CNTNAP2: variants seen among roughly 807,000 people sequenced by gnomAD.
CNTNAP2 encodes contactin associated protein 2.
CNTNAP2 carries 98 observed loss-of-function variants against 155.2 expected under a neutral mutation model. That is an observed-to-expected ratio of 0.63 (90% CI 0.54 to 0.75). The LOEUF is 0.75. Ranked by LOEUF, CNTNAP2 falls within the 30% of genes least tolerant of loss-of-function variation. The pLI is 0.00. For missense variants in CNTNAP2, 1,727 were observed against 1,688.1 expected, an observed-to-expected ratio of 1.02 and a Z score of -0.40; for synonymous variants, 651 against 631.2, an observed-to-expected ratio of 1.03 and a Z score of -0.47.
At chr7:147,638,502 C>T (rs982863495) in intron 12 of CNTNAP2, among the ~76,000 whole-genome samples, 3 of 152,140 alleles carry the variant, frequency 2.0e-5, no homozygotes, top group African/African-American at 2.4e-5. Flanking sequence ...CTTCTTTTCT[C>T]GCAGTGAAAT....
intron 22 of CNTNAP2, among the ~76,000 whole-genome samples, chr7:148,392,274 A>T (rs902100554): frequency 1.7e-4 from 23 of 138,896 alleles, no homozygotes; most frequent in Non-Finnish European, 3.0e-4. Context: ...GGGTTTCACC[A>T]TGTTGGCCAG....
At chr7:147,115,002 C>A (rs2129281298) in intron 5 of CNTNAP2, among the ~76,000 whole-genome samples, 1 of 152,278 alleles carries the variant, frequency 6.6e-6, no homozygotes, top group East Asian at 1.9e-4. Flanking sequence ...CAAGGCAGGA[C>A]TGGTGGTAAT....
At chr7:146,155,506 G>A (rs1798111396) in intron 1 of CNTNAP2, among the ~76,000 whole-genome samples, 1 of 151,984 alleles carries the variant, frequency 6.6e-6, no homozygotes, top group African/African-American at 2.4e-5. Flanking sequence ...GATAAAAACT[G>A]AACTGAATTC....
chr7:147,256,189 T>C (rs1804320739), intron 8 of CNTNAP2, among the ~76,000 whole-genome samples: 1 of 150,884 alleles, frequency 6.6e-6, no homozygotes. Flanking sequence ...TTGCACCTTA[T>C]TTTCTTAACA....
chr7:146,456,664 G>A (rs1796559574), intron 1 of CNTNAP2, among the ~76,000 whole-genome samples: 1 of 151,948 alleles, frequency 6.6e-6, no homozygotes, highest in Non-Finnish European at 1.5e-5. Flanking sequence ...TCTCCTTAAG[G>A]CCTCACATCA....
intron 1 of CNTNAP2, among the ~76,000 whole-genome samples, chr7:146,702,802 G>C (rs915073310): frequency 6.6e-6 from 1 of 152,034 alleles, no homozygotes; most frequent in Admixed American, 6.6e-5. Context: ...AATGTTGTGT[G>C]CTTTCAGATG....
intron 3 of CNTNAP2, among the ~76,000 whole-genome samples, chr7:146,959,512 G>A (rs1301693977): frequency 6.6e-6 from 1 of 151,718 alleles, no homozygotes; most frequent in Non-Finnish European, 1.5e-5. Context: ...TTGAGGTCAG[G>A]AGTTCGAGAC....
chr7:147,808,668 T>A (rs1798131288), intron 13 of CNTNAP2, among the ~76,000 whole-genome samples: 1 of 152,250 alleles, frequency 6.6e-6, no homozygotes, highest in African/African-American at 2.4e-5. Flanking sequence ...AAAATGCTGC[T>A]AGAATGCATC....
chr7:146,159,715 T>C (rs1798186584), intron 1 of CNTNAP2, among the ~76,000 whole-genome samples: 1 of 152,156 alleles, frequency 6.6e-6, no homozygotes, highest in Non-Finnish European at 1.5e-5. Context: ...ATGCACCCAA[T>C]ACAGGAGCAC....
rs916352889 is a variant in CNTNAP2 at position 147,341,453 on chromosome 7, A to G, written c.1498+41163A>G. On this transcript the variant is annotated intron_variant, in intron 9 of 23. Transcript: ENST00000361727. Reference sequence around the variant, plus strand: ...AAAGTATAAAAAAAAAATTTAAAAAATAATAAAAAGGGAAAAACTGTATGT... The same window carrying G: ...AAAGTATAAAAAAAAAATTTAAAAAGTAATAAAAAGGGAAAAACTGTATGT... 1.8e-4 allele frequency among the ~76,000 whole-genome samples: 28 copies of G among 152,018 alleles called. 1 individual carries two copies. Among genetic ancestry groups the G allele is most frequent in the African/African-American group, 6.5e-4 (27 of 41,368 alleles).
chr7:147,738,896 C>G (rs1404503323), intron 13 of CNTNAP2, among the ~76,000 whole-genome samples: 2 of 152,090 alleles, frequency 1.3e-5, no homozygotes, highest in African/African-American at 4.8e-5. Flanking sequence ...CTCAACTGGT[C>G]CATCTGCCTT....
chr7:146,499,706 C>T (rs1797272286), intron 1 of CNTNAP2, among the ~76,000 whole-genome samples: 1 of 151,802 alleles, frequency 6.6e-6, no homozygotes, highest in South Asian at 2.1e-4. Flanking sequence ...GTTACCTGTT[C>T]CTGTGTTAGT....
intron 1 of CNTNAP2, among the ~76,000 whole-genome samples, chr7:146,404,677 C>T (rs1433832406): frequency 2.6e-5 from 4 of 152,110 alleles, no homozygotes; most frequent in Non-Finnish European, 5.9e-5. Flanking sequence ...CCTGTGGAGC[C>T]TCATCTTTAC....
intron 3 of CNTNAP2, 37 bp from the exon 4 acceptor site, chr7:147,043,870 T>C: frequency 6.2e-7 from 1 of 1,612,724 alleles, no homozygotes; most frequent in Non-Finnish European, 8.5e-7. Flanking sequence ...TTCTAAAGTA[T>C]TTTTCCCAAT....
chr7:148,236,526 C>G (rs1881726), intron 20 of CNTNAP2, among the ~76,000 whole-genome samples: 1 of 152,040 alleles, frequency 6.6e-6, no homozygotes, highest in African/African-American at 2.4e-5. Flanking sequence ...CTGACACACA[C>G]GACCATTCTG....
chr7:146,366,863 T>A (rs1390160958), intron 1 of CNTNAP2, among the ~76,000 whole-genome samples: 1 of 152,108 alleles, frequency 6.6e-6, no homozygotes, highest in Non-Finnish European at 1.5e-5. Context: ...TTTTGGAAAA[T>A]GACATAAATT....
intron 16 of CNTNAP2, among the ~76,000 whole-genome samples, chr7:148,120,293 G>T (rs1206461845): frequency 6.6e-6 from 1 of 150,932 alleles, no homozygotes; most frequent in African/African-American, 2.4e-5. Context: ...TTGAGACAGG[G>T]TGTCACTCTG....
chr7:146,734,039 G>C (rs1801570439), intron 1 of CNTNAP2, among the ~76,000 whole-genome samples: 1 of 151,988 alleles, frequency 6.6e-6, no homozygotes, highest in South Asian at 2.1e-4. Context: ...CACATTAACT[G>C]GTGTTCCCTT....
At chr7:146,232,802 A>G (rs895930862) in intron 1 of CNTNAP2, among the ~76,000 whole-genome samples, 6 of 152,068 alleles carry the variant, frequency 3.9e-5, no homozygotes, top group Non-Finnish European at 7.4e-5. Flanking sequence ...TTGACATTTG[A>G]CGTTGACAAA....
Sources: gnomAD v4.1 joint callset for allele counts (sites outside exome capture counted in the v4.1 genomes callset) on GRCh38, gnomAD v4.1.1 for gene constraint, MANE v1.5 for transcripts, NCBI Gene and HGNC (gene_info 2026-07-23, HGNC 2026-07-21) for gene names.